ATP6V1D: variants seen among roughly 807,000 people sequenced by gnomAD.
The protein encoded by ATP6V1D is V-type proton ATPase subunit D.
A neutral mutation model predicts 39.4 loss-of-function variants in ATP6V1D; 20 were observed. That is an observed-to-expected ratio of 0.51 (90% CI 0.36 to 0.74). ATP6V1D has a LOEUF of 0.74. Ranked by LOEUF, ATP6V1D falls within the 30% of genes least tolerant of loss-of-function variation. The pLI, the probability that ATP6V1D is intolerant of heterozygous loss-of-function variation, is 0.00. For synonymous variants in ATP6V1D, 100 were observed against 100.5 expected (o/e 0.99, Z 0.03); for missense variants, 228 against 291.6 (o/e 0.78, Z 1.59).
intron 1 of ATP6V1D, among the ~76,000 whole-genome samples, chr14:67,358,592 A>C (rs1423545902): frequency 1.3e-5 from 2 of 152,134 alleles, no homozygotes; most frequent in East Asian, 3.9e-4. Context: ...CTCAGCCGCC[A>C]GGGAGGCTGA....
Position 67,338,099 on chromosome 14 carries a change from CCA to C in ATP6V1D, c.*520_*521del, listed in dbSNP as rs1232721403. 1 of 152,632 alleles carries C rather than the reference CCA, an allele frequency of 6.6e-6. No individual in the cohort carries two copies. The highest frequency in any genetic ancestry group is 1.9e-4 in the East Asian group (1 of 5,202). 9.5% of individuals were successfully genotyped at this position (152,632 alleles called of 1,614,324 possible). A position where few individuals can be genotyped will look rare whatever the true frequency, so the allele number is the denominator to read the frequency against. On this transcript the variant is annotated 3_prime_UTR_variant, in exon 9 of 9. Coordinates refer to ENST00000216442, the MANE Select transcript of ATP6V1D (RefSeq NM_015994.4). ...CTTTTAAATCATTTTACTGTTTATA[CCA>C]CAGTCGCATTTAAATTGGCAGAATG...
chr14:67,349,194 C>A, intron 3 of ATP6V1D, 90 bp from the exon 4 acceptor site: 3 of 1,228,240 alleles, frequency 2.4e-6, no homozygotes, highest in South Asian at 2.6e-5. Flanking sequence ...TAAATGAGAC[C>A]AAGAGTGAGA....
At chr14:67,357,972 T>C (rs1401737082) in intron 1 of ATP6V1D, among the ~76,000 whole-genome samples, 1 of 152,178 alleles carries the variant, frequency 6.6e-6, no homozygotes, top group African/African-American at 2.4e-5. Flanking sequence ...ATATTAACAA[T>C]TGTAAGCCTG....
rs1396797985 is a variant in ATP6V1D at position 67,338,486 on chromosome 14, T to TA, written c.*134dup. On this transcript the variant is annotated 3_prime_UTR_variant, in exon 9 of 9. Transcript: ENST00000216442. ...GATTCTGCAAAAGTAATCCCATAAA[T>TA]AGACATCTAGGTAAATTTTACAACC... The TA allele has an allele frequency of 1.1e-6, 1 of 946,690 alleles. No homozygotes were observed. The highest frequency in any genetic ancestry group is 1.7e-5 in the African/African-American group (1 of 60,236). The allele number at this position is 946,690 out of a possible 1,614,324, so 58.6% of individuals were successfully genotyped here.
At chr14:67,356,367 G>A (rs1424445802) in intron 1 of ATP6V1D, among the ~76,000 whole-genome samples, 1 of 151,366 alleles carries the variant, frequency 6.6e-6, no homozygotes. Context: ...GTTGCAGTGA[G>A]CCAAGATCGG....
chr14:67,342,401 A>G lies in ATP6V1D; in HGVS notation c.523+971T>C, dbSNP rs1201186941. ...GAATTCTATGAATATATAACATTGA[A>G]GCACAGATGTTATTTTAAATATAGT... On this transcript the variant is annotated intron_variant, in intron 7 of 8. Coordinates refer to ENST00000216442, the MANE Select transcript of ATP6V1D (RefSeq NM_015994.4). Among the ~76,000 whole-genome samples, 3 of 151,638 alleles carry G rather than the reference A, an allele frequency of 2.0e-5. No individual in the cohort carries two copies. In the East Asian group the frequency reaches 5.8e-4, roughly 29 times the overall value.
intron 7 of ATP6V1D, among the ~76,000 whole-genome samples, chr14:67,342,708 C>G (rs1476831183): frequency 1.3e-5 from 2 of 150,378 alleles, no homozygotes; most frequent in African/African-American, 4.9e-5. Context: ...ATATTTCTAA[C>G]AATATAGTTA....
In ATP6V1D at chr14:67,349,114, AAG is replaced by A; in HGVS notation, c.240-12_240-11del. 6.2e-7 allele frequency: 1 copy of A among 1,613,280 alleles called. No homozygotes were observed. The highest frequency in any genetic ancestry group is 1.1e-5 in the South Asian group (1 of 90,990). On this transcript the variant is annotated splice_polypyrimidine_tract_variant and intron_variant, in intron 3 of 8. Transcript: ENST00000216442. ...TTGGATAACTGTAGTGCTGCAGAAA[AAG>A]AGAAAGACTTTATTTAGCAGACTCT...
chr14:67,359,779 T>G lies in ATP6V1D; in HGVS notation c.-81A>C. On this transcript the variant is annotated 5_prime_UTR_variant, in exon 1 of 9. Coordinates refer to ENST00000216442, the MANE Select transcript of ATP6V1D (RefSeq NM_015994.4). ...CTCCAGAACTGGCCTCCACAGTGTC[T>G]TCCTCTACGGGAGTCAGCTGGTTGT... is the stretch of plus-strand genomic sequence containing the variant. The G allele has an allele frequency of 1.3e-6, 2 of 1,529,630 alleles. No individual in the cohort carries two copies. Among genetic ancestry groups the G allele is most frequent in the Non-Finnish European group, 1.8e-6 (2 of 1,109,372 alleles). 94.8% of individuals were successfully genotyped at this position (1,529,630 alleles called of 1,614,324 possible). A position where few individuals can be genotyped will look rare whatever the true frequency, so the allele number is the denominator to read the frequency against.
intron 1 of ATP6V1D, among the ~76,000 whole-genome samples, chr14:67,355,664 G>A (rs1167600226): frequency 6.6e-6 from 1 of 151,848 alleles, no homozygotes; most frequent in Non-Finnish European, 1.5e-5. Flanking sequence ...TTTCAGGCAG[G>A]AAAAAGAGCT....
intron 1 of ATP6V1D, among the ~76,000 whole-genome samples, chr14:67,355,004 G>C (rs910453201): frequency 3.9e-5 from 6 of 151,958 alleles, no homozygotes; most frequent in Non-Finnish European, 4.4e-5. Context: ...GTAGAGACAG[G>C]TTTCTCCATG....
chr14:67,340,365 A>G, intron 8 of ATP6V1D, 75 bp downstream of exon 8: 1 of 1,270,234 alleles, frequency 7.9e-7, no homozygotes, highest in Non-Finnish European at 1.1e-6. Flanking sequence ...ACATAAACCA[A>G]CAAGTCATTC....
chr14:67,351,824 A>C (rs548588458), intron 2 of ATP6V1D, among the ~76,000 whole-genome samples: 155 of 150,664 alleles, frequency 1.0e-3, no homozygotes, highest in African/African-American at 3.7e-3. Context: ...CCTAGTATTA[A>C]CTTTTTTTTT....
chr14:67,343,238 C>G, intron 7 of ATP6V1D, 134 bp downstream of exon 7: 1 of 612,188 alleles, frequency 1.6e-6, no homozygotes, highest in Non-Finnish European at 2.8e-6. Flanking sequence ...ACACACTTCT[C>G]TCTTTGCACT....
chr14:67,350,848 G>C (rs1457438993), intron 2 of ATP6V1D, among the ~76,000 whole-genome samples, 158 bp from the exon 3 acceptor site: 1 of 152,116 alleles, frequency 6.6e-6, no homozygotes, highest in African/African-American at 2.4e-5. Context: ...ATTTTTAACA[G>C]TTTTGGTTAT....
chr14:67,340,481 GATATA>G lies in ATP6V1D; in HGVS notation c.556_560del (p.Tyr186HisfsTer6). The G allele has an allele frequency of 6.2e-7, 1 of 1,613,552 alleles. No homozygotes were observed. The highest frequency in any genetic ancestry group is 8.5e-7 in the Non-Finnish European group (1 of 1,179,808). Reference sequence around the variant, plus strand: ...GCTCTCTCTCATCCAGCTCTGTGATGATATAAGCAAGAGTACGTTCAATCCGGGGA... The same window carrying G: ...GCTCTCTCTCATCCAGCTCTGTGATGAGCAAGAGTACGTTCAATCCGGGGA... On this transcript the variant is annotated frameshift_variant, in exon 8 of 9. Transcript: ENST00000216442. LOFTEE classifies it high-confidence loss of function.
Position 67,349,089 on chromosome 14 carries a change from T to C in ATP6V1D, c.255A>G (p.Gln85=), listed in dbSNP as rs372372939. Reference sequence around the variant, plus strand: ...TCTTCACTTGCGCTTTATTGACATTTTGGATAACTGTAGTGCTGCAGAAAA... The same window carrying C: ...TCTTCACTTGCGCTTTATTGACATTCTGGATAACTGTAGTGCTGCAGAAAA... The part of the protein sequence containing the change: ...TAGDFSTTVI[Q]NVNKAQVKIR... The change falls in exon 4 of 9, where the codon CAA becomes CAG. Residue 85 remains glutamine, a synonymous_variant. Coordinates refer to ENST00000216442, the MANE Select transcript of ATP6V1D (RefSeq NM_015994.4). 1.2e-6 allele frequency: 2 copies of C among 1,613,984 alleles called. No individual in the cohort carries two copies. Among genetic ancestry groups the C allele is most frequent in the African/African-American group, 2.7e-5 (2 of 74,922 alleles).
chr14:67,339,565 G>T (rs2085564379), intron 8 of ATP6V1D, among the ~76,000 whole-genome samples: 1 of 152,070 alleles, frequency 6.6e-6, no homozygotes. Context: ...TACCAGTTTA[G>T]TATTTATACC....
intron 1 of ATP6V1D, among the ~76,000 whole-genome samples, chr14:67,356,729 C>T (rs923636257): frequency 1.5e-4 from 23 of 152,296 alleles, no homozygotes; most frequent in Admixed American, 1.2e-3. Context: ...CATGTGCCTC[C>T]CCTTAAAGAG....
Sources: gnomAD v4.1 joint callset for allele counts (sites outside exome capture counted in the v4.1 genomes callset) on GRCh38, gnomAD v4.1.1 for gene constraint, MANE v1.5 for transcripts, NCBI Gene and HGNC (gene_info 2026-07-23, HGNC 2026-07-21) for gene names.